Variants in KCNH5 observed in about 807,000 individuals in gnomAD.
KCNH5 encodes the protein voltage-gated delayed rectifier potassium channel KCNH5.
A neutral mutation model predicts 96.1 loss-of-function variants in KCNH5; 46 were observed. The ratio of observed to expected loss-of-function variants is 0.48; its 90% CI spans 0.38 to 0.61. The LOEUF is 0.61. Among genes scored for constraint, KCNH5 ranks in the 20% least tolerant of loss-of-function variants. KCNH5 has a pLI of 0.00. For missense variants in KCNH5, 907 were observed against 1,225.8 expected, an observed-to-expected ratio of 0.74 and a Z score of 3.88; for synonymous variants, 439 against 449.8, an observed-to-expected ratio of 0.98 and a Z score of 0.30.
At chr14:62,880,586 C>A (rs1888472976) in intron 7 of KCNH5, among the ~76,000 whole-genome samples, 1 of 152,070 alleles carries the variant, frequency 6.6e-6, no homozygotes, top group Admixed American at 6.6e-5. Flanking sequence ...TTTTCTGGAA[C>A]TGGAAACTAC....
Position 62,905,536 on chromosome 14 carries a change from G to C in KCNH5, c.1369+44597C>G, listed in dbSNP as rs1401496186. Among the ~76,000 whole-genome samples the C allele has an allele frequency of 3.9e-5, 6 of 152,290 alleles. No individual in the cohort carries two copies. The East Asian group carries it at 1.2e-3, about 29-fold the overall frequency. The stretch of plus-strand genomic sequence containing the variant: ...GAAGGATGACAAATGTTAGGTAAGA[G>C]TCTTGGACTTTCCCAAGAAAGAGGA... On this transcript the variant is annotated intron_variant, in intron 7 of 10. Transcript: ENST00000322893.
At chr14:62,886,153 C>T (rs1888592490) in intron 7 of KCNH5, among the ~76,000 whole-genome samples, 1 of 114,076 alleles carries the variant, frequency 8.8e-6, no homozygotes, top group Non-Finnish European at 1.8e-5. Context: ...CACACACACA[C>T]ACACACAAGA....
At chr14:62,881,799 C>T (rs1339849735) in intron 7 of KCNH5, among the ~76,000 whole-genome samples, 1 of 152,070 alleles carries the variant, frequency 6.6e-6, no homozygotes, top group African/African-American at 2.4e-5. Flanking sequence ...CTCAAAGTCA[C>T]ACTGCTAGTG....
chr14:62,793,238 A>C (rs1886470749), intron 9 of KCNH5, among the ~76,000 whole-genome samples: 1 of 151,860 alleles, frequency 6.6e-6, no homozygotes, highest in South Asian at 2.1e-4. Context: ...CATAGAGCCT[A>C]TACTTCACAA....
chr14:62,712,209 T>TA (rs199512994), intron 10 of KCNH5: 5 of 120,722 alleles, frequency 4.1e-5, no homozygotes, highest in Admixed American at 8.2e-5. Flanking sequence ...TAGTTTTTTT[T>TA]AAAAAAAATA....
intron 8 of KCNH5, among the ~76,000 whole-genome samples, chr14:62,807,689 G>C (rs1886795103): frequency 6.6e-6 from 1 of 151,668 alleles, no homozygotes; most frequent in African/African-American, 2.4e-5. Flanking sequence ...TATAAAGAAA[G>C]AGATTTTATA....
chr14:62,953,265 C>T (rs756644625), intron 6 of KCNH5, among the ~76,000 whole-genome samples: 4 of 151,910 alleles, frequency 2.6e-5, no homozygotes, highest in Non-Finnish European at 4.4e-5. Context: ...TTTAGCCAAC[C>T]CTCCAACTGA....
chr14:63,020,348 G>C (rs543216210), intron 1 of KCNH5, among the ~76,000 whole-genome samples: 1 of 152,130 alleles, frequency 6.6e-6, no homozygotes, highest in East Asian at 1.9e-4. Context: ...AAAAAGACTT[G>C]GAGGAAAATG....
chr14:62,707,932 T>A lies in KCNH5; in HGVS notation c.2543A>T (p.Asp848Val). ...GLLSEDPKSS[D>V]SENSVTKNPL... Reference sequence around the variant, plus strand: ...GTTTTTGGTCACACTGTTCTCTGAATCACTGCTCTTGGGGTCCTCAGACAA... The same window carrying A: ...GTTTTTGGTCACACTGTTCTCTGAAACACTGCTCTTGGGGTCCTCAGACAA... Residue 848 changes from aspartate to valine, a missense_variant, in exon 11 of 11, where the codon GAT becomes GTT. This residue lies in a region of KCNH5 where 362 missense variants were observed against 394.4 expected (regional missense o/e 0.92). Transcript: ENST00000322893. 6.2e-7 allele frequency: 1 copy of A among 1,614,222 alleles called. No homozygotes were observed.
chr14:62,919,083 G>A (rs563383680), intron 7 of KCNH5, among the ~76,000 whole-genome samples: 77 of 152,060 alleles, frequency 5.1e-4, no homozygotes, highest in Middle Eastern at 3.4e-3. Context: ...CACACTGTAG[G>A]CATAGAAATT....
At chr14:63,039,838 G>A (rs1299725383) in intron 1 of KCNH5, among the ~76,000 whole-genome samples, 1 of 151,608 alleles carries the variant, frequency 6.6e-6, no homozygotes, top group East Asian at 1.9e-4. Flanking sequence ...TCTTCCAAGA[G>A]CACCAACTAA....
At chr14:62,714,641 A>G (rs1268708573) in intron 10 of KCNH5, among the ~76,000 whole-genome samples, 1 of 152,196 alleles carries the variant, frequency 6.6e-6, no homozygotes, top group Non-Finnish European at 1.5e-5. Flanking sequence ...ATTTTTTTAA[A>G]CCATGAAGAA....
rs558238889 is a variant in KCNH5 at position 63,001,840 on chromosome 14, C to G, written c.305-381G>C. 3.3e-5 allele frequency among the ~76,000 whole-genome samples: 5 copies of G among 152,330 alleles called. No individual in the cohort carries two copies. In the South Asian group the frequency reaches 1.0e-3, roughly 32 times the overall value. Reference sequence around the variant, plus strand: ...CTGAGAGTCTTACCAATTGTGATCACTCCTACCTGCTTCTCTCGTCATGTC... The same window carrying G: ...CTGAGAGTCTTACCAATTGTGATCAGTCCTACCTGCTTCTCTCGTCATGTC... On this transcript the variant is annotated intron_variant, in intron 3 of 10. Coordinates refer to ENST00000322893, the MANE Select transcript of KCNH5 (RefSeq NM_139318.5).
At chr14:63,006,620 G>A (rs1161079738) in intron 2 of KCNH5, 148 bp from the exon 3 acceptor site, 4 of 582,598 alleles carry the variant, frequency 6.9e-6, no homozygotes, top group Non-Finnish European at 1.2e-5. Context: ...ATGAGAGGCA[G>A]TTCTTGCTTT....
chr14:62,954,276 C>T (rs1890058746), intron 6 of KCNH5, among the ~76,000 whole-genome samples: 1 of 152,176 alleles, frequency 6.6e-6, no homozygotes, highest in Non-Finnish European at 1.5e-5. Context: ...ATACTCTCCC[C>T]CGTCCCCCAC....
intron 6 of KCNH5, among the ~76,000 whole-genome samples, chr14:62,958,602 A>G (rs1045991006): frequency 1.3e-5 from 2 of 152,114 alleles, no homozygotes; most frequent in African/African-American, 2.4e-5. Context: ...CCTTTCCCCA[A>G]TGTATTAACC....
intron 6 of KCNH5, among the ~76,000 whole-genome samples, chr14:62,979,776 G>A (rs1240940155): frequency 6.6e-6 from 1 of 152,162 alleles, no homozygotes; most frequent in Non-Finnish European, 1.5e-5. Context: ...TATTAAGTTA[G>A]AGCCTGAGAA....
At chr14:62,807,236 G>T (rs1186440459) in intron 8 of KCNH5, among the ~76,000 whole-genome samples, 1 of 152,058 alleles carries the variant, frequency 6.6e-6, no homozygotes, top group East Asian at 1.9e-4. Flanking sequence ...TAAAAAACAT[G>T]AACCTAAACA....
At chr14:62,989,810 C>G (rs1890776466) in intron 4 of KCNH5, among the ~76,000 whole-genome samples, 1 of 151,996 alleles carries the variant, frequency 6.6e-6, no homozygotes, top group Non-Finnish European at 1.5e-5. Flanking sequence ...AAATAAATCT[C>G]ATTTTGTTTT....
Sources: allele counts gnomAD v4.1 joint callset (sites outside exome capture counted in the v4.1 genomes callset), GRCh38; gene constraint gnomAD v4.1.1; regional missense constraint gnomAD v4.1.1; transcripts MANE v1.5; gene names NCBI Gene and HGNC (gene_info 2026-07-23, HGNC 2026-07-21).